The following RBFOX1 variants were observed in gnomAD, a reference collection of about 807,000 sequenced individuals.
The protein encoded by RBFOX1 is RNA binding protein fox-1 homolog 1.
RBFOX1 carries 8 observed loss-of-function variants against 57.7 expected under a neutral mutation model. The observed-to-expected ratio is 0.14, with a 90% CI of 0.08 to 0.25. The LOEUF (loss-of-function observed/expected upper bound fraction) is 0.25, where lower values mean the gene tolerates loss of function less well. Among genes scored for constraint, RBFOX1 ranks in the 10% least tolerant of loss-of-function variants. The pLI, the probability that RBFOX1 is intolerant of heterozygous loss-of-function variation, is 1.00. For synonymous variants in RBFOX1, 326 were observed against 222.4 expected (o/e 1.47, Z -4.15); for missense variants, 611 against 548.5 (o/e 1.11, Z -1.14).
intron 3 of RBFOX1, among the ~76,000 whole-genome samples, chr16:6,902,708 C>T (rs1158458942): frequency 6.6e-6 from 1 of 152,156 alleles, no homozygotes; most frequent in Non-Finnish European, 1.5e-5. Flanking sequence ...GGTGACAAGT[C>T]AAGACTCCAT....
chr16:7,285,258 A>G (rs2095626991), intron 4 of RBFOX1, among the ~76,000 whole-genome samples: 1 of 151,946 alleles, frequency 6.6e-6, no homozygotes, highest in Non-Finnish European at 1.5e-5. Context: ...TGTACCCTTT[A>G]CACAGTTTTC....
At chr16:5,786,227 G>T (rs1386624964) in intron 3 of RBFOX1, among the ~76,000 whole-genome samples, 1 of 152,056 alleles carries the variant, frequency 6.6e-6, no homozygotes, top group Non-Finnish European at 1.5e-5. Flanking sequence ...CACCTTTTTG[G>T]ACTTCTCTAC....
intron 3 of RBFOX1, among the ~76,000 whole-genome samples, chr16:6,705,765 C>T (rs1263919600): frequency 6.6e-6 from 1 of 152,110 alleles, no homozygotes; most frequent in African/African-American, 2.4e-5. Context: ...AGCCTGTAAT[C>T]CCAGCAATTT....
At chr16:5,656,073 T>C (rs1229719228) in intron 3 of RBFOX1, among the ~76,000 whole-genome samples, 2 of 152,206 alleles carry the variant, frequency 1.3e-5, no homozygotes, top group Non-Finnish European at 2.9e-5. Context: ...TCTGGAGTAA[T>C]GAATAATATT....
chr16:6,318,560 C>G (rs1381680217), intron 2 of RBFOX1, among the ~76,000 whole-genome samples: 1 of 152,078 alleles, frequency 6.6e-6, no homozygotes, highest in Non-Finnish European at 1.5e-5. Context: ...CCTTCTCATT[C>G]CTCTGTCTTC....
At chr16:6,302,743 A>T (rs755534642) in intron 1 of RBFOX1, among the ~76,000 whole-genome samples, 5 of 152,226 alleles carry the variant, frequency 3.3e-5, no homozygotes, top group Non-Finnish European at 5.9e-5. Flanking sequence ...ACTGAGGCCC[A>T]GAGAGAGTTA....
intron 4 of RBFOX1, among the ~76,000 whole-genome samples, chr16:7,066,186 T>G (rs1246581333): frequency 6.6e-6 from 1 of 152,148 alleles, no homozygotes; most frequent in African/African-American, 2.4e-5. Flanking sequence ...TAATTCACAC[T>G]TAGAGAAAAA....
At chr16:6,880,629 G>A (rs2062745210) in intron 3 of RBFOX1, among the ~76,000 whole-genome samples, 1 of 152,032 alleles carries the variant, frequency 6.6e-6, no homozygotes, top group Non-Finnish European at 1.5e-5. Flanking sequence ...GCAGGGTGGG[G>A]AAAAAATCAA....
intron 12 of RBFOX1, among the ~76,000 whole-genome samples, chr16:7,661,664 G>C (rs112904251): frequency 6.6e-6 from 1 of 152,192 alleles, no homozygotes; most frequent in Non-Finnish European, 1.5e-5. Flanking sequence ...TGGGAGGGCA[G>C]GGTTACTGAG....
At chr16:7,250,486 C>A (rs2094464284) in intron 4 of RBFOX1, among the ~76,000 whole-genome samples, 1 of 152,214 alleles carries the variant, frequency 6.6e-6, no homozygotes, top group Non-Finnish European at 1.5e-5. Flanking sequence ...GCTGCAGCCT[C>A]AGCTGCTGTG....
At chr16:5,457,096 C>T (rs1567539666) in intron 1 of RBFOX1, among the ~76,000 whole-genome samples, 1 of 152,142 alleles carries the variant, frequency 6.6e-6, no homozygotes, top group Non-Finnish European at 1.5e-5. Flanking sequence ...GCTGTCTTCT[C>T]ACTGTGTCCT....
At chr16:6,466,588 T>C (rs2095055502) in intron 2 of RBFOX1, among the ~76,000 whole-genome samples, 2 of 152,202 alleles carry the variant, frequency 1.3e-5, no homozygotes, top group African/African-American at 4.8e-5. Context: ...CTCTCTCCTC[T>C]GTCCTTTTGA....
At chr16:6,575,862 A>AAAATAAATAAAT (rs60635526) in intron 2 of RBFOX1, among the ~76,000 whole-genome samples, 2,690 of 145,490 alleles carry the variant, frequency 0.018, 70 homozygotes, top group African/African-American at 0.059. Context: ...ATCTCAATAA[A>AAAATAAATAAAT]AAATAAATAA....
chr16:7,702,570 A>T (rs1010220869), intron 14 of RBFOX1, among the ~76,000 whole-genome samples: 2 of 152,160 alleles, frequency 1.3e-5, no homozygotes, highest in African/African-American at 4.8e-5. Context: ...TGGATGAGAG[A>T]AGGAAGTAAA....
intron 3 of RBFOX1, among the ~76,000 whole-genome samples, chr16:6,953,911 G>A (rs1390144397): frequency 6.6e-6 from 1 of 152,068 alleles, no homozygotes; most frequent in Non-Finnish European, 1.5e-5. Context: ...TTTGGTTGTT[G>A]TTGCTAATTG....
chr16:7,370,131 G>A (rs1420445541), intron 4 of RBFOX1, among the ~76,000 whole-genome samples: 1 of 152,140 alleles, frequency 6.6e-6, no homozygotes, highest in South Asian at 2.1e-4. Flanking sequence ...AGGACAATTG[G>A]CAGCAACTCT....
intron 14 of RBFOX1, among the ~76,000 whole-genome samples, chr16:7,700,106 G>C (rs528401219): frequency 2.6e-5 from 4 of 152,136 alleles, no homozygotes; most frequent in African/African-American, 9.6e-5. Context: ...TGCTTGCTTT[G>C]AGGATGGGAG....
In RBFOX1 at chr16:7,233,214, C is replaced by CT. The variant is rs138143623; in HGVS notation, c.27+181131dup. On this transcript the variant is annotated intron_variant, in intron 4 of 15. Transcript: ENST00000550418. ...TCCTGCCAACCTTGCTAAACTCATCCTTTTTTTTTTTTTTTCCTGATTCTT... is the reference window on the plus strand; with the variant it reads ...TCCTGCCAACCTTGCTAAACTCATCCTTTTTTTTTTTTTTTTCCTGATTCTT... Among the ~76,000 whole-genome samples, 506 of 144,488 alleles carry CT rather than the reference C, an allele frequency of 3.5e-3. 1 individual carries two copies. The highest frequency in any genetic ancestry group is 6.4e-3 in the African/African-American group (251 of 39,486). 94.8% of individuals were successfully genotyped at this position (144,488 alleles called of 152,430 possible).
chr16:6,892,111 C>G (rs748139579), intron 3 of RBFOX1, among the ~76,000 whole-genome samples: 1 of 152,148 alleles, frequency 6.6e-6, no homozygotes, highest in African/African-American at 2.4e-5. Flanking sequence ...CACGTTGACT[C>G]TTACCCAAGT....
Sources: allele counts gnomAD v4.1 joint callset (sites outside exome capture counted in the v4.1 genomes callset), GRCh38; gene constraint gnomAD v4.1.1; transcripts MANE v1.5; gene names NCBI Gene and HGNC (gene_info 2026-07-23, HGNC 2026-07-21).